RAPGEF4: variants seen among roughly 807,000 people sequenced by gnomAD.
RAPGEF4 encodes Rap guanine nucleotide exchange factor 4, also known as RAP guanine-nucleotide-exchange factor (GEF) 4.
Under a neutral mutation model 147.9 loss-of-function variants are expected in RAPGEF4, and 66 were observed. The ratio of observed to expected loss-of-function variants is 0.45; its 90% CI spans 0.37 to 0.55. RAPGEF4 has a LOEUF of 0.55. Ranked by LOEUF, RAPGEF4 falls within the 20% of genes least tolerant of loss-of-function variation. The pLI is 0.00. For synonymous variants in RAPGEF4, 419 were observed against 442.7 expected, an observed-to-expected ratio of 0.95 and a Z score of 0.67; for missense variants, 1,071 against 1,257.3, an observed-to-expected ratio of 0.85 and a Z score of 2.24.
intron 3 of RAPGEF4, among the ~76,000 whole-genome samples, chr2:172,805,634 G>T (rs78477185): frequency 6.6e-6 from 1 of 152,098 alleles, no homozygotes; most frequent in East Asian, 1.9e-4. Context: ...ACATGTTCAC[G>T]TAGATTTCCA....
intron 1 of RAPGEF4, 124 bp downstream of exon 1, chr2:172,736,172 G>A (rs1693744042): frequency 3.0e-6 from 2 of 673,210 alleles, no homozygotes. Flanking sequence ...TCCCCGAGCG[G>A]GGGAAGGGGT....
At chr2:173,050,457 C>T (rs554108686) in intron 30 of RAPGEF4, among the ~76,000 whole-genome samples, 1 of 152,276 alleles carries the variant, frequency 6.6e-6, no homozygotes, top group South Asian at 2.1e-4. Context: ...CCCCTTCACC[C>T]CTTGTGCAGA....
In RAPGEF4 at chr2:172,855,399, T is replaced by C. The variant is rs548991520; in HGVS notation, c.444+40974T>C. On this transcript the variant is annotated intron_variant, in intron 4 of 30. Transcript: ENST00000397081. Reference sequence around the variant, plus strand: ...CCTATCTGTGTTATAAACTCCAAAATACAGTGTTAGAATTTTTATTTCAAT... The same window carrying C: ...CCTATCTGTGTTATAAACTCCAAAACACAGTGTTAGAATTTTTATTTCAAT... 3.3e-5 allele frequency among the ~76,000 whole-genome samples: 5 copies of C among 152,314 alleles called. No homozygotes were observed. In the East Asian group the frequency reaches 9.6e-4, roughly 29 times the overall value.
At chr2:172,824,667 G>T (rs1248046969) in intron 4 of RAPGEF4, among the ~76,000 whole-genome samples, 1 of 152,182 alleles carries the variant, frequency 6.6e-6, no homozygotes, top group African/African-American at 2.4e-5. Flanking sequence ...AGAATAAGGT[G>T]CAAGATCATC....
intron 1 of RAPGEF4, among the ~76,000 whole-genome samples, chr2:172,754,279 G>A (rs976732002): frequency 3.9e-5 from 6 of 151,922 alleles, no homozygotes; most frequent in East Asian, 1.9e-4. Flanking sequence ...AATATAATTC[G>A]TATTGGCTGA....
intron 1 of RAPGEF4, among the ~76,000 whole-genome samples, chr2:172,760,421 T>G (rs1696195205): frequency 6.6e-6 from 1 of 152,144 alleles, no homozygotes. Context: ...ACAACTGAAA[T>G]TTAAAAGTGA....
At chr2:173,044,278 A>AG (rs958228209) in intron 29 of RAPGEF4, among the ~76,000 whole-genome samples, 27 of 73,088 alleles carry the variant, frequency 3.7e-4, no homozygotes, top group East Asian at 2.8e-3. Context: ...GGGGGGCGGG[A>AG]GGGGGGGTGA....
chr2:172,914,812 A>G (rs1222136365), intron 4 of RAPGEF4, among the ~76,000 whole-genome samples: 3 of 152,206 alleles, frequency 2.0e-5, no homozygotes, highest in Non-Finnish European at 4.4e-5. Flanking sequence ...AACTTTGCCA[A>G]TTCTGACAGA....
chr2:172,825,022 A>G (rs1003095639), intron 4 of RAPGEF4, among the ~76,000 whole-genome samples: 21 of 152,244 alleles, frequency 1.4e-4, no homozygotes, highest in African/African-American at 5.1e-4. Flanking sequence ...CACCAACAGT[A>G]TTTGAGCATG....
rs940516110 is a variant in RAPGEF4 at position 172,789,106 on chromosome 2, G to T, written c.66-5919G>T. Among the ~76,000 whole-genome samples the T allele has an allele frequency of 3.3e-5, 5 of 152,318 alleles. No homozygotes were observed. In the East Asian group the frequency reaches 9.6e-4, roughly 29 times the overall value. On this transcript the variant is annotated intron_variant, in intron 1 of 30. Coordinates refer to ENST00000397081, the MANE Select transcript of RAPGEF4 (RefSeq NM_007023.4). Reference sequence around the variant, plus strand: ...CAGAGGCCCTCAGGCAACCAGGGCAGCTGTCTTCATCAGTGCCAGCAAAAG... The same window carrying T: ...CAGAGGCCCTCAGGCAACCAGGGCATCTGTCTTCATCAGTGCCAGCAAAAG...
At chr2:172,991,982 T>G (rs796250672) in intron 15 of RAPGEF4, among the ~76,000 whole-genome samples, 32 of 152,350 alleles carry the variant, frequency 2.1e-4, no homozygotes, top group African/African-American at 7.5e-4. Context: ...GAGAAATTTA[T>G]GCTCAGAGCC....
intron 29 of RAPGEF4, among the ~76,000 whole-genome samples, chr2:173,044,931 G>GTTATAGAAAGTTGCCTGGCC (rs1559208457): frequency 1.3e-5 from 2 of 152,006 alleles, no homozygotes; most frequent in Non-Finnish European, 2.9e-5. Context: ...CCGGCCTGGC[G>GTTATAGAAAGTTGCCTGGCC]TTATAGAAAG....
At chr2:172,946,926 G>A (rs1687734412) in intron 6 of RAPGEF4, among the ~76,000 whole-genome samples, 1 of 152,148 alleles carries the variant, frequency 6.6e-6, no homozygotes, top group Non-Finnish European at 1.5e-5. Flanking sequence ...GCATTTTTCT[G>A]ACTGTTCATT....
Position 173,020,718 on chromosome 2 carries a change from A to G in RAPGEF4, c.2253+3A>G, listed in dbSNP as rs763369919. On this transcript the variant is annotated splice_donor_region_variant and intron_variant, in intron 23 of 30. Coordinates refer to ENST00000397081, the MANE Select transcript of RAPGEF4 (RefSeq NM_007023.4). ...CGCGAGAGCAATTCGATTCACTGGT[A>G]GGTGTGGATGGCCTGCTCAGAGCAG... is the stretch of plus-strand genomic sequence containing the variant. 1.9e-6 allele frequency: 3 copies of G among 1,611,198 alleles called. No individual in the cohort carries two copies. The South Asian group carries it at 3.3e-5, about 18-fold the overall frequency.
intron 3 of RAPGEF4, among the ~76,000 whole-genome samples, chr2:172,800,054 A>AT (rs1387588380): frequency 6.6e-6 from 1 of 152,164 alleles, no homozygotes; most frequent in Admixed American, 6.5e-5. Context: ...TTTACCTATA[A>AT]TTTTGACCTC....
chr2:172,814,790 T>C, intron 4 of RAPGEF4: 1 of 298,026 alleles, frequency 3.4e-6, no homozygotes, highest in Non-Finnish European at 6.6e-6. Flanking sequence ...ATCATTGACA[T>C]GTTCCCTGGG....
At chr2:172,832,951 C>G (rs994147824) in intron 4 of RAPGEF4, among the ~76,000 whole-genome samples, 3 of 152,224 alleles carry the variant, frequency 2.0e-5, no homozygotes, top group Admixed American at 2.0e-4. Context: ...CGCGGTGGCT[C>G]ACGCCTGTGA....
At chr2:172,825,945 T>G (rs1287939170) in intron 4 of RAPGEF4, among the ~76,000 whole-genome samples, 1 of 152,246 alleles carries the variant, frequency 6.6e-6, no homozygotes, top group Non-Finnish European at 1.5e-5. Context: ...TATTAAATAT[T>G]CTTACAAATC....
At chr2:172,778,466 C>T (rs1050862247) in intron 1 of RAPGEF4, among the ~76,000 whole-genome samples, 1 of 152,144 alleles carries the variant, frequency 6.6e-6, no homozygotes, top group Non-Finnish European at 1.5e-5. Context: ...TTTAAATATA[C>T]TTATATCCAA....
Sources: allele counts gnomAD v4.1 joint callset (sites outside exome capture counted in the v4.1 genomes callset), GRCh38; gene constraint gnomAD v4.1.1; transcripts MANE v1.5; gene names NCBI Gene and HGNC (gene_info 2026-07-23, HGNC 2026-07-21).